ANKRD30B: variants seen among roughly 807,000 people sequenced by gnomAD.
ANKRD30B encodes the protein ankyrin repeat domain 30B.
A neutral mutation model predicts 202.2 loss-of-function variants in ANKRD30B; 144 were observed. That is an observed-to-expected ratio of 0.71 (90% CI 0.62 to 0.82). ANKRD30B has a LOEUF of 0.82. Among genes scored for constraint, ANKRD30B ranks in the 40% least tolerant of loss-of-function variants. ANKRD30B has a pLI of 0.00. For synonymous variants in ANKRD30B, 508 were observed against 561.3 expected (o/e 0.91, Z 1.34); for missense variants, 1,487 against 1,669.1 (o/e 0.89, Z 1.90).
At chr18:14,779,288 C>G (rs1967573003) in intron 10 of ANKRD30B, among the ~76,000 whole-genome samples, 1 of 152,104 alleles carries the variant, frequency 6.6e-6, no homozygotes, top group Non-Finnish European at 1.5e-5. Context: ...ATCATTTTTC[C>G]TAGAAATGTC....
chr18:14,776,338 A>G (rs983738235), intron 9 of ANKRD30B, among the ~76,000 whole-genome samples: 3 of 152,244 alleles, frequency 2.0e-5, no homozygotes, highest in South Asian at 2.1e-4. Flanking sequence ...CTTTTTCTTT[A>G]AAACAAAACA....
chr18:14,852,785 G>C (rs1190421878), intron 42 of ANKRD30B: 1 of 158,872 alleles, frequency 6.3e-6, no homozygotes, highest in African/African-American at 2.4e-5. Context: ...TTAGTATTTT[G>C]AAATTAAGAT....
chr18:14,925,295 C>G, the ANKRD30B span, among the ~76,000 whole-genome samples: 1 of 151,688 alleles, frequency 6.6e-6, no homozygotes, highest in South Asian at 2.1e-4. Context: ...AGGGGCTGAG[C>G]TCTGCACTGC....
At chr18:14,906,102 A>G in the ANKRD30B span, among the ~76,000 whole-genome samples, 2 of 152,128 alleles carry the variant, frequency 1.3e-5, no homozygotes, top group African/African-American at 2.4e-5. Context: ...TTTAGCCCAA[A>G]GTATATGCCA....
chr18:14,874,172 A>T, the ANKRD30B span, among the ~76,000 whole-genome samples: 1 of 152,186 alleles, frequency 6.6e-6, no homozygotes, highest in Non-Finnish European at 1.5e-5. Flanking sequence ...GTGATTTATA[A>T]ATATGAGTGC....
At chr18:14,775,839 A>G (rs555416688) in intron 9 of ANKRD30B, among the ~76,000 whole-genome samples, 1 of 152,250 alleles carries the variant, frequency 6.6e-6, no homozygotes, top group Non-Finnish European at 1.5e-5. Flanking sequence ...TGGTTCTGAC[A>G]CTTACTAGCT....
intron 39 of ANKRD30B, among the ~76,000 whole-genome samples, chr18:14,848,235 G>T (rs1598719336): frequency 6.6e-6 from 1 of 151,954 alleles, no homozygotes; most frequent in African/African-American, 2.4e-5. Context: ...TATTTTGTGT[G>T]TTTTATTTTT....
At chr18:14,863,564 T>A in the ANKRD30B span, among the ~76,000 whole-genome samples, 4 of 152,140 alleles carry the variant, frequency 2.6e-5, no homozygotes, top group South Asian at 2.1e-4. Context: ...TCTATAAATT[T>A]AAAAAAAATC....
At chr18:14,938,292 TAA>T in the ANKRD30B span, among the ~76,000 whole-genome samples, 1 of 152,214 alleles carries the variant, frequency 6.6e-6, no homozygotes, top group African/African-American at 2.4e-5. Flanking sequence ...TTAGAAAATT[TAA>T]AAAGTGGCTT....
chr18:14,862,568 CA>C, the ANKRD30B span, among the ~76,000 whole-genome samples: 4 of 152,242 alleles, frequency 2.6e-5, no homozygotes, highest in African/African-American at 9.6e-5. Flanking sequence ...AGAAAGAAAC[CA>C]AAAGTCCACT....
the ANKRD30B span, among the ~76,000 whole-genome samples, chr18:14,897,989 C>T: frequency 6.6e-6 from 1 of 152,194 alleles, no homozygotes; most frequent in African/African-American, 2.4e-5. Flanking sequence ...GCTCACTTCA[C>T]ACTTCTTCTT....
intron 4 of ANKRD30B, among the ~76,000 whole-genome samples, chr18:14,755,848 G>T (rs1488618571): frequency 6.6e-6 from 1 of 152,016 alleles, no homozygotes; most frequent in Non-Finnish European, 1.5e-5. Context: ...ATTGTGAATA[G>T]TGCCACAATA....
chr18:14,795,939 G>T (rs576833747), intron 16 of ANKRD30B, among the ~76,000 whole-genome samples: 5 of 151,794 alleles, frequency 3.3e-5, no homozygotes. Flanking sequence ...AATCTTACTG[G>T]TATTAGGATT....
chr18:14,761,852 C>A (rs558859998), intron 6 of ANKRD30B, among the ~76,000 whole-genome samples: 13 of 152,200 alleles, frequency 8.5e-5, no homozygotes, highest in African/African-American at 2.9e-4. Flanking sequence ...GAATCTTGAG[C>A]AATATGAGAG....
intron 30 of ANKRD30B, among the ~76,000 whole-genome samples, chr18:14,818,164 T>A (rs1970214746): frequency 6.6e-6 from 1 of 152,166 alleles, no homozygotes. Context: ...TGAAGCTAAG[T>A]TTTTTATAAG....
the ANKRD30B span, among the ~76,000 whole-genome samples, chr18:14,938,716 C>T: frequency 6.6e-6 from 1 of 152,110 alleles, no homozygotes; most frequent in Non-Finnish European, 1.5e-5. Context: ...GGCTAAAGGG[C>T]ACCCATGAGG....
At chr18:14,899,573 T>C in the ANKRD30B span, among the ~76,000 whole-genome samples, 1 of 152,114 alleles carries the variant, frequency 6.6e-6, no homozygotes, top group African/African-American at 2.4e-5. Flanking sequence ...AGAGAGTCAT[T>C]ATACCCCTCC....
chr18:14,908,261 A>G, the ANKRD30B span, among the ~76,000 whole-genome samples: 1 of 152,130 alleles, frequency 6.6e-6, no homozygotes, highest in Non-Finnish European at 1.5e-5. Context: ...CATCTTTCCT[A>G]GGATCCCTGC....
chr18:14,937,140 G>A, the ANKRD30B span, among the ~76,000 whole-genome samples: 1 of 152,264 alleles, frequency 6.6e-6, no homozygotes, highest in Admixed American at 6.5e-5. Context: ...CTACAGCAGG[G>A]ACCTCCCATG....
Sources: gnomAD v4.1 joint callset for allele counts (sites outside exome capture counted in the v4.1 genomes callset) on GRCh38, gnomAD v4.1.1 for gene constraint, MANE v1.5 for transcripts, NCBI Gene and HGNC (gene_info 2026-07-23, HGNC 2026-07-21) for gene names.